PRTN3: variants seen among roughly 807,000 people sequenced by gnomAD.
The protein encoded by PRTN3 is myeloblastin.
A neutral mutation model predicts 20.7 loss-of-function variants in PRTN3; 22 were observed. The ratio of observed to expected loss-of-function variants is 1.06; its 90% confidence interval spans 0.76 to 1.52. PRTN3 has a LOEUF of 1.52. Ranked by LOEUF, PRTN3 falls within the 40% of genes most tolerant of loss-of-function variation. The probability of loss-of-function intolerance (pLI) is 0.00; values close to 1 mark genes in which losing one functional copy is unlikely to be tolerated. For missense variants in PRTN3, 378 were observed against 359.6 expected (o/e 1.05, Z -0.41); for synonymous variants, 173 against 152.9 (o/e 1.13, Z -0.97).
intron 1 of PRTN3, among the ~76,000 whole-genome samples, chr19:843,052 C>T (rs917691508): frequency 2.6e-5 from 4 of 152,062 alleles, no homozygotes; most frequent in Admixed American, 6.6e-5. Flanking sequence ...GTAGCTGGGA[C>T]GACAGGTGCA....
Position 841,095 on chromosome 19 carries a change from C to T in PRTN3, c.61+26C>T, listed in dbSNP as rs200489278. 2.5e-6 allele frequency: 4 copies of T among 1,601,214 alleles called. No individual in the cohort carries two copies. The Admixed American group carries it at 5.0e-5, about 20-fold the overall frequency. On this transcript the variant is annotated intron_variant, in intron 1 of 4. Transcript: ENST00000234347. The stretch of plus-strand genomic sequence containing the variant: ...GTGAGTGAGCCACGTGCCCATCCAT[C>T]CAGCCTCCAGGCCCCGGTGGATTGT...
In PRTN3 at chr19:843,973, C is replaced by T. The variant is rs1309128203; in HGVS notation, c.308C>T (p.Ala103Val). 4 of 1,604,824 alleles carry T rather than the reference C, an allele frequency of 2.5e-6. No individual in the cohort carries two copies. The East Asian group carries it at 9.0e-5, about 36-fold the overall frequency. ...QEPTQQHFSV[A>V]QVFLNNYDAE... ...CCCACCCAGCAGCACTTCTCGGTGG[C>T]TCAGGTGTTTCTGAACAACTACGAC... The change falls in exon 3 of 5, where the codon GCT becomes GTT. Residue 103 changes from alanine (A) to valine (V), a missense_variant. By Grantham distance (64) the Ala-to-Val change is moderately conservative. Transcript: ENST00000234347.
Position 848,012 on chromosome 19 carries a change from C to G in PRTN3, c.*43C>G, listed in dbSNP as rs1177706209. ...GCTGGCCGGGACCCCGAGCCTGGCT[C>G]CAAACCCTCGAGGCGGATCTTTGGA... On this transcript the variant is annotated 3_prime_UTR_variant, in exon 5 of 5. Coordinates refer to ENST00000234347, the MANE Select transcript of PRTN3 (RefSeq NM_002777.4). The G allele has an allele frequency of 6.4e-7, 1 of 1,559,028 alleles. No individual in the cohort carries two copies. The highest frequency in any genetic ancestry group is 1.2e-5 in the South Asian group (1 of 85,996).
intron 4 of PRTN3, among the ~76,000 whole-genome samples, chr19:847,158 T>C (rs972378436): frequency 1.1e-4 from 17 of 152,138 alleles, no homozygotes; most frequent in Non-Finnish European, 2.2e-4. Flanking sequence ...ATTTAAATAT[T>C]AGCTGGGCAT....
At position 846,137 on chromosome 19, in the gene PRTN3, T is replaced by C. The variant is rs760310569; in HGVS notation, c.370-10T>C. On this transcript the variant is annotated splice_polypyrimidine_tract_variant and intron_variant, in intron 3 of 4. Coordinates refer to ENST00000234347, the MANE Select transcript of PRTN3 (RefSeq NM_002777.4). ...AGCAGCGTCTCACCGCCGCCTGCCT[T>C]CTGCCCCAGCTGAGCAGCCCAGCCA... 1 of 1,403,026 alleles carries C rather than the reference T, an allele frequency of 7.1e-7. No homozygotes were observed. The highest frequency in any genetic ancestry group is 9.3e-7 in the Non-Finnish European group (1 of 1,078,204). 86.9% of individuals were successfully genotyped at this position (1,403,026 alleles called of 1,614,324 possible).
At chr19:844,805 T>C (rs1009096908) in intron 3 of PRTN3, among the ~76,000 whole-genome samples, 4 of 151,848 alleles carry the variant, frequency 2.6e-5, no homozygotes, top group Admixed American at 6.6e-5. Flanking sequence ...CAGGTGGTGC[T>C]CAGTAAGTGC....
intron 3 of PRTN3, among the ~76,000 whole-genome samples, chr19:844,970 C>T (rs1158476066): frequency 1.8e-5 from 2 of 110,084 alleles, no homozygotes; most frequent in African/African-American, 6.7e-5. Flanking sequence ...TTTTTTTAGA[C>T]AGAGTCTCAC....
chr19:843,325 C>T, intron 1 of PRTN3, 136 bp from the exon 2 acceptor site: 1 of 968,834 alleles, frequency 1.0e-6, no homozygotes, highest in Non-Finnish European at 1.5e-6. Flanking sequence ...GCGCTGAGTC[C>T]TTCCCACCAG....
At chr19:847,515 AAGAAAAAGAG>A (rs1181406298) in intron 4 of PRTN3, among the ~76,000 whole-genome samples, 1 of 149,968 alleles carries the variant, frequency 6.7e-6, no homozygotes, top group Non-Finnish European at 1.5e-5. Context: ...AGAAGAAAGA[AAGAAAAAGAG>A]AGAAAGAAAG....
At position 847,974 on chromosome 19, in the gene PRTN3, C is replaced by T. The variant is rs918479601; in HGVS notation, c.*5C>T. The T allele has an allele frequency of 6.9e-6, 11 of 1,595,958 alleles. No homozygotes were observed. Among genetic ancestry groups the T allele is most frequent in the Non-Finnish European group, 8.5e-6 (10 of 1,172,120 alleles). On this transcript the variant is annotated 3_prime_UTR_variant, in exon 5 of 5. Transcript: ENST00000234347. Reference sequence around the variant, plus strand: ...GAGGCCAAGGGCCGCCCCTGAACCGCCCCTCCCACAGCGCTGGCCGGGACC... The same window carrying T: ...GAGGCCAAGGGCCGCCCCTGAACCGTCCCTCCCACAGCGCTGGCCGGGACC...
At chr19:846,118 G>C (rs774313235) in intron 3 of PRTN3, 29 bp from the exon 4 acceptor site, 3 of 1,398,208 alleles carry the variant, frequency 2.1e-6, no homozygotes, top group Admixed American at 3.1e-5. Context: ...TGGAAGCAGC[G>C]TCTCACCGCC....
At chr19:842,009 G>A (rs1487120436) in intron 1 of PRTN3, among the ~76,000 whole-genome samples, 2 of 146,518 alleles carry the variant, frequency 1.4e-5, no homozygotes, top group African/African-American at 2.5e-5. Flanking sequence ...TTACAGGCGT[G>A]AGCCACCGCG....
intron 1 of PRTN3, among the ~76,000 whole-genome samples, chr19:841,399 C>A (rs1266190773): frequency 6.6e-6 from 1 of 152,056 alleles, no homozygotes; most frequent in East Asian, 1.9e-4. Flanking sequence ...AGTGAATATG[C>A]ATGAATGAAT....
intron 3 of PRTN3, among the ~76,000 whole-genome samples, chr19:845,118 T>C (rs1041835898): frequency 6.6e-6 from 1 of 151,914 alleles, no homozygotes; most frequent in Non-Finnish European, 1.5e-5. Context: ...TGGCTAATTT[T>C]TGTATTTTTA....
Position 846,164 on chromosome 19 carries a change from C to T in PRTN3, c.387C>T (p.Asn129=). The stretch of plus-strand genomic sequence containing the variant: ...TGCCCCAGCTGAGCAGCCCAGCCAA[C>T]CTCAGTGCCTCCGTCGCCACAGTCC... The part of the protein sequence containing the change: ...VLLIQLSSPA[N]LSASVATVQL... The change falls in exon 4 of 5, where the codon AAC becomes AAT. Residue 129 remains asparagine (N), a synonymous_variant. Coordinates refer to ENST00000234347, the MANE Select transcript of PRTN3 (RefSeq NM_002777.4). 1 of 1,475,840 alleles carries T rather than the reference C, an allele frequency of 6.8e-7. No homozygotes were observed. The highest frequency in any genetic ancestry group is 9.0e-7 in the Non-Finnish European group (1 of 1,110,724). 91.4% of individuals were successfully genotyped at this position (1,475,840 alleles called of 1,614,324 possible).
intron 2 of PRTN3, 29 bp from the exon 3 acceptor site, chr19:843,864 G>T (rs372046277): frequency 2.5e-4 from 388 of 1,564,012 alleles, no homozygotes; most frequent in Non-Finnish European, 3.2e-4. Context: ...TGTCCAGGGC[G>T]CCGAGGAGTG....
chr19:844,179 C>CG (rs1568299510), intron 3 of PRTN3, 145 bp downstream of exon 3: 1 of 1,088,950 alleles, frequency 9.2e-7, no homozygotes, highest in Admixed American at 3.1e-5. Flanking sequence ...TGGCACTGGC[C>CG]GGGGGAGACC....
At position 844,302 on chromosome 19, in the gene PRTN3, C is replaced by CGCGCCTCTCCCCCGCCT. The variant is rs1277010428; in HGVS notation, c.369+284_369+285insTGCGCCTCTCCCCCGCC. 3.5e-4 allele frequency among the ~76,000 whole-genome samples: 41 copies of CGCGCCTCTCCCCCGCCT among 117,730 alleles called. 1 individual carries two copies. Among genetic ancestry groups the CGCGCCTCTCCCCCGCCT allele is most frequent in the Non-Finnish European group, 6.8e-4 (38 of 55,796 alleles). The allele number at this position is 117,730 out of a possible 152,430, so 77.2% of individuals were successfully genotyped here. A position where few individuals can be genotyped will look rare whatever the true frequency, so the allele number is the denominator to read the frequency against. ...CCCCCGCCCGCGCCTCTCCCCCGCC[C>CGCGCCTCTCCCCCGCCT]GCGCCTCTCCCCCGCCCGCGCCTCT... is the stretch of plus-strand genomic sequence containing the variant. On this transcript the variant is annotated intron_variant, in intron 3 of 4. Coordinates refer to ENST00000234347, the MANE Select transcript of PRTN3 (RefSeq NM_002777.4).
intron 2 of PRTN3, 28 bp downstream of exon 2, chr19:843,654 C>G: frequency 6.6e-7 from 1 of 1,516,762 alleles, no homozygotes; most frequent in Non-Finnish European, 8.8e-7. Flanking sequence ...CACCCCTGTC[C>G]GCCCGCCCCG....
Sources: gnomAD v4.1 joint callset for allele counts (sites outside exome capture counted in the v4.1 genomes callset) on GRCh38, gnomAD v4.1.1 for gene constraint, MANE v1.5 for transcripts, NCBI Gene and HGNC (gene_info 2026-07-23, HGNC 2026-07-21) for gene names.